The following STRA6 variants were observed in gnomAD, a reference collection of about 807,000 sequenced individuals.
STRA6 encodes receptor for retinol uptake STRA6.
STRA6 carries 48 observed loss-of-function variants against 83.6 expected under a neutral mutation model. That is an observed-to-expected ratio of 0.57 (90% CI 0.46 to 0.73). STRA6 has a LOEUF of 0.73. Ranked by LOEUF, STRA6 falls within the 30% of genes least tolerant of loss-of-function variation. The probability of loss-of-function intolerance (pLI) is 0.00; values close to 1 mark genes in which losing one functional copy is unlikely to be tolerated. For synonymous variants in STRA6, 353 were observed against 362.3 expected (o/e 0.97, Z 0.29); for missense variants, 760 against 838.8 (o/e 0.91, Z 1.16).
In STRA6 at chr15:74,180,878, T is replaced by C; in HGVS notation, c.1744A>G (p.Thr582Ala). The C allele has an allele frequency of 3.1e-6, 5 of 1,614,088 alleles. No individual in the cohort carries two copies. In the South Asian group the frequency reaches 4.4e-5, roughly 14 times the overall value. Residue 582 changes from threonine to alanine, a missense_variant, in exon 18 of 19, where the codon ACA becomes GCA. Transcript: ENST00000395105. Reference protein sequence around the residue: ...IEVSQSHPAMTAFCSLLLQAQ... With the variant: ...IEVSQSHPAMAAFCSLLLQAQ... Reference sequence around the variant, plus strand: ...TGCAGGAGCAGGGAGCAGAAGGCTGTCATGGCTGGATGCGACTGGCTGACT... The same window carrying C: ...TGCAGGAGCAGGGAGCAGAAGGCTGCCATGGCTGGATGCGACTGGCTGACT...
At chr15:74,205,793 C>T (rs2074247678), upstream of STRA6, among the ~76,000 whole-genome samples, 1 of 152,206 alleles carries the variant, frequency 6.6e-6, no homozygotes, top group Non-Finnish European at 1.5e-5. Flanking sequence ...CCTCCCTCCT[C>T]ATGGGAAGAC....
intron 13 of STRA6, 26 bp from the exon 14 acceptor site, chr15:74,184,015 G>A: frequency 1.2e-6 from 2 of 1,610,614 alleles, no homozygotes; most frequent in Non-Finnish European, 8.5e-7. Context: ...GGGAGGCAGA[G>A]ACCTCAGGGA....
chr15:74,190,448 G>C (rs2073475347), intron 11 of STRA6, among the ~76,000 whole-genome samples: 1 of 151,344 alleles, frequency 6.6e-6, no homozygotes, highest in African/African-American at 2.4e-5. Flanking sequence ...CGGAGGTGGT[G>C]AGGCAGAGTT....
At position 74,202,231 on chromosome 15, in the gene STRA6, C is replaced by G. The variant is rs1401289379; in HGVS notation, c.37G>C (p.Gly13Arg). The change falls in exon 2 of 19, where the codon GGG (glycine) becomes CGG (arginine). Residue 13 changes from glycine (G) to arginine (R), a missense_variant. Coordinates refer to ENST00000395105, the MANE Select transcript of STRA6 (RefSeq NM_022369.4). ...CCATAGGAGTAGTCCTCTGTGGCCC[C>G]GGGGGAGGTCTGGTTCCCTGCTGGC... ...SQPAGNQTSP[G>R]ATEDYSYGSW... is the part of the protein sequence containing the mutation. 4 of 1,535,586 alleles carry G rather than the reference C, an allele frequency of 2.6e-6. No homozygotes were observed. The highest frequency in any genetic ancestry group is 3.5e-6 in the Non-Finnish European group (4 of 1,147,496).
exon 1 of STRA6, chr15:74,209,010 GC>G: frequency 1.9e-6 from 2 of 1,068,986 alleles, no homozygotes; most frequent in Non-Finnish European, 2.3e-6. Flanking sequence ...CCCAGCACCT[GC>G]TTTAAAAGGT....
rs2073402692 is a variant in STRA6, at chr15:74,189,133, G to A, written c.1072C>T (p.His358Tyr). 4 of 1,614,126 alleles carry A rather than the reference G, an allele frequency of 2.5e-6. No individual in the cohort carries two copies. The highest frequency in any genetic ancestry group is 1.1e-5 in the South Asian group (1 of 91,072). ...GCCTCACCTTCCAGAGCCCACAGAT[G>A]GTGCTTCACCAGCTCCACCACCTCC... ...KQEVVELVKHHLWALEVCYIS... is the reference protein window; with the variant it reads ...KQEVVELVKHYLWALEVCYIS... The change falls in exon 12 of 19, where the codon CAT becomes TAT. Residue 358 changes from histidine (H) to tyrosine (Y), a missense_variant. Coordinates refer to ENST00000395105, the MANE Select transcript of STRA6 (RefSeq NM_022369.4).
At chr15:74,193,705 C>T (rs1475399008) in intron 8 of STRA6, 95 bp downstream of exon 8, 3 of 1,584,222 alleles carry the variant, frequency 1.9e-6, no homozygotes, top group Admixed American at 1.7e-5. Flanking sequence ...CTGGGCCCTA[C>T]ATCAAGCACG....
chr15:74,191,794 G>T (rs368563454), intron 8 of STRA6: 3 of 489,164 alleles, frequency 6.1e-6, no homozygotes, highest in African/African-American at 5.8e-5. Flanking sequence ...TCTCTTCACC[G>T]TTTCTTCCCA....
At chr15:74,186,062 C>T (rs1477258036) in intron 12 of STRA6, among the ~76,000 whole-genome samples, 1 of 152,166 alleles carries the variant, frequency 6.6e-6, no homozygotes, top group Non-Finnish European at 1.5e-5. Flanking sequence ...ACCGATAGCG[C>T]CTTTAGGATC....
intron 1 of STRA6, among the ~76,000 whole-genome samples, chr15:74,208,439 A>G (rs1189345331): frequency 6.6e-6 from 1 of 151,972 alleles, no homozygotes; most frequent in East Asian, 1.9e-4. Flanking sequence ...CTCCTTCCTC[A>G]CTGAGGACAT....
upstream of STRA6, chr15:74,202,848 C>T: frequency 9.5e-7 from 1 of 1,053,936 alleles, no homozygotes; most frequent in Non-Finnish European, 1.1e-6. Context: ...CTGCCCCTTT[C>T]TGGCCCCTTT....
upstream of STRA6, among the ~76,000 whole-genome samples, chr15:74,205,293 T>G (rs561231340): frequency 5.9e-5 from 9 of 151,886 alleles, no homozygotes; most frequent in African/African-American, 2.2e-4. Context: ...GGAAAGGGGG[T>G]TTATGTGGCT....
chr15:74,192,770 GTTC>G (rs775145147), intron 8 of STRA6, among the ~76,000 whole-genome samples: 11 of 152,226 alleles, frequency 7.2e-5, no homozygotes, highest in African/African-American at 1.9e-4. Context: ...TCCTGAGTCT[GTTC>G]TTCTTTCCCC....
At chr15:74,208,050 A>G (rs1408143024) in intron 1 of STRA6, 1 of 1,316,606 alleles carries the variant, frequency 7.6e-7, no homozygotes, top group East Asian at 3.4e-5. Context: ...GCATCATCAT[A>G]ACATAAAGGA....
upstream of STRA6, among the ~76,000 whole-genome samples, chr15:74,206,950 G>T (rs1023012695): frequency 2.6e-5 from 4 of 152,202 alleles, no homozygotes; most frequent in African/African-American, 9.6e-5. Context: ...GCTAAGCCCT[G>T]CTCACTATGG....
intron 8 of STRA6, among the ~76,000 whole-genome samples, chr15:74,192,774 T>C (rs997343356): frequency 3.9e-5 from 6 of 152,224 alleles, no homozygotes; most frequent in African/African-American, 1.4e-4. Flanking sequence ...GAGTCTGTTC[T>C]TCTTTCCCCT....
upstream of STRA6, chr15:74,209,260 G>A (rs1027818308): frequency 8.4e-7 from 1 of 1,184,496 alleles, no homozygotes. Flanking sequence ...TGATCTCCTT[G>A]GCCCTCAGAG....
rs546140347 is a variant in STRA6 at position 74,194,607 on chromosome 15, C to T, written c.598-685G>A. On this transcript the variant is annotated intron_variant, in intron 7 of 18. Transcript: ENST00000395105. ...GTACCACCTGGCATCATTTTGTTTGCGTGTCATGTCTGCCCTTCTGAAGTG... is the reference window on the plus strand; with the variant it reads ...GTACCACCTGGCATCATTTTGTTTGTGTGTCATGTCTGCCCTTCTGAAGTG... 22 of 547,384 alleles carry T rather than the reference C, an allele frequency of 4.0e-5. No homozygotes were observed. The East Asian group carries it at 4.8e-4, about 12-fold the overall frequency. The allele number at this position is 547,384 out of a possible 1,614,324, so 33.9% of individuals were successfully genotyped here. A position where few individuals can be genotyped will look rare whatever the true frequency, so the allele number is the denominator to read the frequency against.
At position 74,188,798 on chromosome 15, in the gene STRA6, C is replaced by A. The variant is rs142308184; in HGVS notation, c.1090+317G>T. 2.4e-3 allele frequency among the ~76,000 whole-genome samples: 368 copies of A among 152,286 alleles called. No individual in the cohort carries two copies. Among genetic ancestry groups the A allele is most frequent in the Non-Finnish European group, 4.4e-3 (299 of 68,028 alleles). On this transcript the variant is annotated intron_variant, in intron 12 of 18. Transcript: ENST00000395105. This position sits in a 1 kb window ranked among gnomAD's most constrained non-coding sequence, Gnocchi z 4.5. Reference sequence around the variant, plus strand: ...CGCCGTCTCTTCCCTCCTTCCCCACCCTCAGCTCCCCCATCCCATGGCCTT... The same window carrying A: ...CGCCGTCTCTTCCCTCCTTCCCCACACTCAGCTCCCCCATCCCATGGCCTT...
Sources: allele counts gnomAD v4.1 joint callset (sites outside exome capture counted in the v4.1 genomes callset), GRCh38; gene constraint gnomAD v4.1.1; non-coding constraint Gnocchi (gnomAD v3.1); transcripts MANE v1.5; gene names NCBI Gene and HGNC (gene_info 2026-07-23, HGNC 2026-07-21).